The following SORCS2 variants were observed in gnomAD, a reference collection of about 807,000 sequenced individuals.
SORCS2 encodes VPS10 domain-containing receptor SorCS2.
Under a neutral mutation model 141.6 loss-of-function variants are expected in SORCS2, and 100 were observed. The observed-to-expected ratio is 0.71, with a 90% confidence interval of 0.60 to 0.83. The LOEUF is 0.83. SORCS2 is among the 40% of genes least tolerant of loss of function. The probability of loss-of-function intolerance (pLI) is 0.00; values close to 1 mark genes in which losing one functional copy is unlikely to be tolerated. For missense variants in SORCS2, 1,646 were observed against 1,560.2 expected (o/e 1.05, Z -0.93); for synonymous variants, 789 against 676.9 (o/e 1.17, Z -2.57).
intron 2 of SORCS2, among the ~76,000 whole-genome samples, chr4:7,443,125 C>T (rs4513568): frequency 0.38 from 58,209 of 152,004 alleles, 12,166 homozygotes; most frequent in South Asian, 0.57. Flanking sequence ...CAACTAATTA[C>T]ATCTGTAAAA....
intron 3 of SORCS2, among the ~76,000 whole-genome samples, chr4:7,595,292 G>A (rs1717190481): frequency 6.6e-6 from 1 of 152,192 alleles, no homozygotes; most frequent in African/African-American, 2.4e-5. Context: ...CACCCTCGAA[G>A]CACATCTGTG....
chr4:7,428,781 A>G (rs1043575299), intron 2 of SORCS2, among the ~76,000 whole-genome samples: 7 of 152,142 alleles, frequency 4.6e-5, no homozygotes, highest in Non-Finnish European at 8.8e-5. Context: ...TAAGGGCCTC[A>G]GCTTTTATCT....
At chr4:7,620,925 C>A (rs1296908061) in intron 3 of SORCS2, among the ~76,000 whole-genome samples, 1 of 152,154 alleles carries the variant, frequency 6.6e-6, no homozygotes, top group Non-Finnish European at 1.5e-5. Context: ...ATTCCAGGCC[C>A]CCGAGTGCCC....
intron 1 of SORCS2, among the ~76,000 whole-genome samples, chr4:7,395,542 T>G (rs538916348): frequency 4.6e-5 from 7 of 152,328 alleles, no homozygotes; most frequent in African/African-American, 1.7e-4. Context: ...CCCCCCAACT[T>G]TTTTTGTTTA....
In SORCS2 at chr4:7,661,481, C is replaced by T; in HGVS notation, c.888-19C>T. 1 of 1,551,490 alleles carries T rather than the reference C, an allele frequency of 6.4e-7. No individual in the cohort carries two copies. Among genetic ancestry groups the T allele is most frequent in the Non-Finnish European group, 8.7e-7 (1 of 1,146,904 alleles). ...TGGTGACTCCATTCCCGACCCCAGC[C>T]TCAGCTCTTCTTTTCCAGGTCTGTG... is the stretch of plus-strand genomic sequence containing the variant. On this transcript the variant is annotated intron_variant, in intron 5 of 26. Coordinates refer to ENST00000507866, the MANE Select transcript of SORCS2 (RefSeq NM_020777.3).
At chr4:7,363,517 C>G (rs1265236768) in intron 1 of SORCS2, among the ~76,000 whole-genome samples, 2 of 84,262 alleles carry the variant, frequency 2.4e-5, no homozygotes, top group African/African-American at 1.1e-4. Context: ...ACCATCACCA[C>G]CATTGTGGTG....
intron 1 of SORCS2, among the ~76,000 whole-genome samples, chr4:7,326,660 C>T (rs1212178226): frequency 6.6e-6 from 1 of 152,244 alleles, no homozygotes; most frequent in African/African-American, 2.4e-5. Flanking sequence ...GGGTACACAC[C>T]ACAGTGATGA....
chr4:7,262,369 T>C (rs1242704658), intron 1 of SORCS2, among the ~76,000 whole-genome samples: 9 of 132,090 alleles, frequency 6.8e-5, no homozygotes, highest in Admixed American at 5.7e-4. Context: ...CACCCACCTA[T>C]CCATCTATCC....
intron 1 of SORCS2, among the ~76,000 whole-genome samples, chr4:7,395,027 C>G (rs902341570): frequency 6.6e-5 from 10 of 152,202 alleles, no homozygotes; most frequent in African/African-American, 2.2e-4. Flanking sequence ...GGACCTGGCT[C>G]TGACGGCAGG....
chr4:7,719,252 C>T (rs1298306711), intron 18 of SORCS2, among the ~76,000 whole-genome samples: 1 of 152,224 alleles, frequency 6.6e-6, no homozygotes, highest in Non-Finnish European at 1.5e-5. Flanking sequence ...AAGCAGGGAG[C>T]CTGGTCTAAG....
chr4:7,327,991 C>G (rs1307931535), intron 1 of SORCS2, among the ~76,000 whole-genome samples: 2 of 149,372 alleles, frequency 1.3e-5, no homozygotes, highest in Admixed American at 6.7e-5. Context: ...GTTTGAGGAC[C>G]TACTGTGTGC....
chr4:7,715,486 T>G (rs4689834), intron 17 of SORCS2, among the ~76,000 whole-genome samples, 175 bp downstream of exon 17: 144,812 of 152,312 alleles, frequency 0.95, 68,864 homozygotes, highest in East Asian at 1. Flanking sequence ...CTGGCTGCGG[T>G]GCTCATATGA....
chr4:7,654,092 G>T, intron 4 of SORCS2, 42 bp from the exon 5 acceptor site: 1 of 1,528,710 alleles, frequency 6.5e-7, no homozygotes. Flanking sequence ...GCTTATTCCT[G>T]ACGTCCTGAC....
chr4:7,522,155 G>T (rs1018481409), intron 2 of SORCS2, among the ~76,000 whole-genome samples: 2 of 152,210 alleles, frequency 1.3e-5, no homozygotes, highest in Non-Finnish European at 2.9e-5. Context: ...GCTTGCAGGC[G>T]GGTGCTGCCT....
Position 7,659,014 on chromosome 4 carries a change from G to C in SORCS2, c.888-2486G>C, listed in dbSNP as rs115771507. Among the ~76,000 whole-genome samples the C allele has an allele frequency of 6.1e-3, 925 of 152,320 alleles. 8 individuals are homozygous for C. The highest frequency in any genetic ancestry group is 0.021 in the African/African-American group (866 of 41,562). On this transcript the variant is annotated intron_variant, in intron 5 of 26. Coordinates refer to ENST00000507866, the MANE Select transcript of SORCS2 (RefSeq NM_020777.3). ...TTGGGCAGTGTCCATGAGAGGGACT[G>C]GTGTGGTAAATGGATAAGCGGCTTT...
chr4:7,540,146 C>A lies in SORCS2; in HGVS notation c.648+8517C>A, dbSNP rs545932817. Among the ~76,000 whole-genome samples, 366 of 86,066 alleles carry A rather than the reference C, an allele frequency of 4.3e-3. 1 individual carries two copies. Among genetic ancestry groups the A allele is most frequent in the Non-Finnish European group, 7.9e-3 (310 of 39,448 alleles). The allele number at this position is 86,066 out of a possible 152,430, so 56.5% of individuals were successfully genotyped here. A position where few individuals can be genotyped will look rare whatever the true frequency, so the allele number is the denominator to read the frequency against. ...CCTCCCTGCTATGAGGGCCCTGCCC[C>A]TCCCCGCCCCTGCCTCTCCCTGCCC... On this transcript the variant is annotated intron_variant, in intron 3 of 26. Coordinates refer to ENST00000507866, the MANE Select transcript of SORCS2 (RefSeq NM_020777.3).
chr4:7,301,756 T>C (rs968512473), intron 1 of SORCS2, among the ~76,000 whole-genome samples: 3 of 152,354 alleles, frequency 2.0e-5, no homozygotes, highest in African/African-American at 7.2e-5. Flanking sequence ...GCTCTCCTTT[T>C]TCCATGAGCT....
intron 2 of SORCS2, among the ~76,000 whole-genome samples, chr4:7,436,853 C>A (rs186713788): frequency 7.9e-5 from 12 of 152,302 alleles, no homozygotes; most frequent in Middle Eastern, 3.4e-3. Flanking sequence ...CACGTGTCTT[C>A]CCTTCTCTGC....
intron 2 of SORCS2, among the ~76,000 whole-genome samples, chr4:7,526,011 C>T (rs1733674066): frequency 7.8e-6 from 1 of 128,062 alleles, no homozygotes; most frequent in Non-Finnish European, 1.6e-5. Context: ...CACCTGTCCC[C>T]TCCTCAGTCA....
Sources: gnomAD v4.1 joint callset for allele counts (sites outside exome capture counted in the v4.1 genomes callset) on GRCh38, gnomAD v4.1.1 for gene constraint, MANE v1.5 for transcripts, NCBI Gene and HGNC (gene_info 2026-07-23, HGNC 2026-07-21) for gene names.